Variants in KHDRBS2 observed in about 807,000 individuals in gnomAD.
KHDRBS2 encodes the protein KH domain-containing, RNA-binding, signal transduction-associated protein 2.
KHDRBS2 carries 26 observed loss-of-function variants against 44.3 expected under a neutral mutation model. The observed-to-expected ratio is 0.59, with a 90% CI of 0.43 to 0.81. The LOEUF (loss-of-function observed/expected upper bound fraction) is 0.81, where lower values mean the gene tolerates loss of function less well. KHDRBS2 is among the 40% of genes least tolerant of loss of function. KHDRBS2 has a pLI of 0.00. For missense variants in KHDRBS2, 476 were observed against 433.1 expected, an observed-to-expected ratio of 1.10 and a Z score of -0.88; for synonymous variants, 194 against 151.1, an observed-to-expected ratio of 1.28 and a Z score of -2.08.
At chr6:62,118,535 G>A (rs548319898) in intron 2 of KHDRBS2, among the ~76,000 whole-genome samples, 1 of 152,226 alleles carries the variant, frequency 6.6e-6, no homozygotes, top group East Asian at 1.9e-4. Context: ...AAATACCAGT[G>A]TGATGGTTAA....
At chr6:61,775,616 C>T (rs1348980891) in intron 6 of KHDRBS2, among the ~76,000 whole-genome samples, 3 of 152,106 alleles carry the variant, frequency 2.0e-5, no homozygotes, top group Non-Finnish European at 4.4e-5. Flanking sequence ...AGGAAAACTA[C>T]AAACCATTGC....
chr6:61,810,970 A>C (rs1218487019), intron 6 of KHDRBS2, among the ~76,000 whole-genome samples: 1 of 152,028 alleles, frequency 6.6e-6, no homozygotes. Context: ...TTCCATTTTT[A>C]TTTTAGATTC....
rs1321364489 is a variant in KHDRBS2, at chr6:61,955,559, C to CAT, written c.483+22505_483+22506dup. ...GTATATATACACATATGTATGTATA[C>CAT]ATGTGTATATATACACGTATGTATG... is the stretch of plus-strand genomic sequence containing the variant. On this transcript the variant is annotated intron_variant, in intron 4 of 8. Coordinates refer to ENST00000281156, the MANE Select transcript of KHDRBS2 (RefSeq NM_152688.4). Among the ~76,000 whole-genome samples the CAT allele has an allele frequency of 1.9e-4, 11 of 57,018 alleles. 2 individuals are homozygous for CAT. Among genetic ancestry groups the CAT allele is most frequent in the African/African-American group, 6.8e-4 (11 of 16,258 alleles). The allele number at this position is 57,018 out of a possible 152,430, so 37.4% of individuals were successfully genotyped here. A position where few individuals can be genotyped will look rare whatever the true frequency, so the allele number is the denominator to read the frequency against.
chr6:61,732,802 T>C, intron 6 of KHDRBS2, 38 bp from the exon 7 acceptor site: 1 of 1,005,642 alleles, frequency 9.9e-7, no homozygotes, highest in Non-Finnish European at 1.6e-6. Flanking sequence ...TGTTAGTCAA[T>C]TTGATTAACT....
At chr6:61,556,401 G>A in the KHDRBS2 span, among the ~76,000 whole-genome samples, 7 of 152,236 alleles carry the variant, frequency 4.6e-5, no homozygotes, top group South Asian at 1.4e-3. Context: ...AAGAAGTCAA[G>A]CTTATGGTGA....
intron 1 of KHDRBS2, among the ~76,000 whole-genome samples, chr6:62,256,188 T>C (rs1837371436): frequency 6.6e-6 from 1 of 151,582 alleles, no homozygotes; most frequent in Non-Finnish European, 1.5e-5. Flanking sequence ...ATTAGGGAAA[T>C]ATTTTAGATT....
At chr6:62,173,251 T>TA (rs1339544753) in intron 2 of KHDRBS2, among the ~76,000 whole-genome samples, 1 of 150,202 alleles carries the variant, frequency 6.7e-6, no homozygotes, top group African/African-American at 2.4e-5. Context: ...AAGGGGACGT[T>TA]ACCACTTTAG....
the KHDRBS2 span, among the ~76,000 whole-genome samples, chr6:61,549,476 A>T: frequency 6.6e-6 from 1 of 152,198 alleles, no homozygotes; most frequent in Admixed American, 6.5e-5. Flanking sequence ...AGCCCATTGC[A>T]TGTTAATATA....
At chr6:61,595,968 C>A in the KHDRBS2 span, among the ~76,000 whole-genome samples, 1 of 152,094 alleles carries the variant, frequency 6.6e-6, no homozygotes, top group Non-Finnish European at 1.5e-5. Flanking sequence ...CAAGTACCCA[C>A]AAAAGGCATC....
At chr6:61,911,414 C>T (rs1435754447) in intron 4 of KHDRBS2, among the ~76,000 whole-genome samples, 5 of 152,140 alleles carry the variant, frequency 3.3e-5, no homozygotes, top group African/African-American at 4.8e-5. Context: ...GATCCCTACA[C>T]TTGTTCATGT....
At chr6:62,159,210 G>T (rs1265129122) in intron 2 of KHDRBS2, among the ~76,000 whole-genome samples, 5 of 152,126 alleles carry the variant, frequency 3.3e-5, no homozygotes, top group African/African-American at 1.2e-4. Flanking sequence ...ACTTGAAAGT[G>T]ATTCCTGAGT....
chr6:61,822,295 A>T (rs1444387072), intron 6 of KHDRBS2, among the ~76,000 whole-genome samples: 1 of 151,878 alleles, frequency 6.6e-6, no homozygotes, highest in Non-Finnish European at 1.5e-5. Context: ...TTATGTCGAC[A>T]TTTACCCAGT....
Position 61,697,267 on chromosome 6 carries a change from A to T in KHDRBS2, c.894-14T>A. The T allele has an allele frequency of 6.4e-7, 1 of 1,558,772 alleles. No homozygotes were observed. Among genetic ancestry groups the T allele is most frequent in the Non-Finnish European group, 8.8e-7 (1 of 1,129,958 alleles). ...TATTCAGGCACACTGCAACAAATTT[A>T]GATAGCAATCAATGTTACTATAACC... On this transcript the variant is annotated splice_polypyrimidine_tract_variant and intron_variant, in intron 7 of 8. Coordinates refer to ENST00000281156, the MANE Select transcript of KHDRBS2 (RefSeq NM_152688.4).
At chr6:61,892,924 C>A in intron 6 of KHDRBS2, among the ~76,000 whole-genome samples, 1 of 152,002 alleles carries the variant, frequency 6.6e-6, no homozygotes, top group Non-Finnish European at 1.5e-5. Flanking sequence ...AACTAAAGAG[C>A]TTCTGCACAG....
intron 1 of KHDRBS2, among the ~76,000 whole-genome samples, chr6:62,272,322 G>C (rs1374411572): frequency 6.6e-6 from 1 of 152,112 alleles, no homozygotes; most frequent in Non-Finnish European, 1.5e-5. Context: ...CTTTGGCACT[G>C]AGTAACAAAT....
At chr6:62,269,350 T>C (rs1384851582) in intron 1 of KHDRBS2, among the ~76,000 whole-genome samples, 2 of 152,046 alleles carry the variant, frequency 1.3e-5, no homozygotes, top group Admixed American at 6.6e-5. Context: ...TAACAAACGA[T>C]GCAAACCCAG....
chr6:62,022,030 CTATA>C (rs201174798), intron 3 of KHDRBS2, among the ~76,000 whole-genome samples: 5 of 144,630 alleles, frequency 3.5e-5, no homozygotes, highest in South Asian at 2.2e-4. Flanking sequence ...CACACAAACA[CTATA>C]TATATATATA....
At chr6:62,133,710 A>G (rs189405086) in intron 2 of KHDRBS2, among the ~76,000 whole-genome samples, 99 of 152,312 alleles carry the variant, frequency 6.5e-4, no homozygotes, top group African/African-American at 2.3e-3. Flanking sequence ...GCTTTAACCA[A>G]AATGTTGATA....
At chr6:61,969,453 T>C (rs1770853801) in intron 4 of KHDRBS2, among the ~76,000 whole-genome samples, 1 of 152,098 alleles carries the variant, frequency 6.6e-6, no homozygotes, top group African/African-American at 2.4e-5. Flanking sequence ...GTACTTTGCA[T>C]GAGGACTAGT....
Sources: gnomAD v4.1 joint callset for allele counts (sites outside exome capture counted in the v4.1 genomes callset) on GRCh38, gnomAD v4.1.1 for gene constraint, MANE v1.5 for transcripts, NCBI Gene and HGNC (gene_info 2026-07-23, HGNC 2026-07-21) for gene names.